The following SH3GL1 variants were observed in gnomAD, a reference collection of about 807,000 sequenced individuals.
SH3GL1 encodes the protein SH3 domain containing GRB2 like 1, endophilin A2.
SH3GL1 carries 21 observed loss-of-function variants against 48.8 expected under a neutral mutation model. That is an observed-to-expected ratio of 0.43 (90% CI 0.30 to 0.62). The LOEUF (loss-of-function observed/expected upper bound fraction) is 0.62, where lower values mean the gene tolerates loss of function less well. SH3GL1 is among the 20% of genes least tolerant of loss of function. SH3GL1 has a pLI of 0.11. For synonymous variants in SH3GL1, 282 were observed against 217.5 expected (o/e 1.30, Z -2.61); for missense variants, 454 against 503.0 (o/e 0.90, Z 0.93).
chr19:4,364,562 G>C (rs1034240726), intron 4 of SH3GL1: 15 of 320,498 alleles, frequency 4.7e-5, no homozygotes, highest in Admixed American at 4.6e-5. Context: ...TCCTGAGTAA[G>C]GGGGATTACA....
At chr19:4,393,427 A>C (rs1973372089) in intron 1 of SH3GL1, among the ~76,000 whole-genome samples, 1 of 152,038 alleles carries the variant, frequency 6.6e-6, no homozygotes. Flanking sequence ...CAAGACCTGG[A>C]GTGGTGGGGT....
chr19:4,373,793 C>G (rs988423922), intron 1 of SH3GL1, among the ~76,000 whole-genome samples: 1 of 152,248 alleles, frequency 6.6e-6, no homozygotes, highest in Non-Finnish European at 1.5e-5. Flanking sequence ...CCACGGCCCC[C>G]AGGCTGTGGG....
At chr19:4,385,359 C>T (rs1317839405) in intron 1 of SH3GL1, among the ~76,000 whole-genome samples, 1 of 152,184 alleles carries the variant, frequency 6.6e-6, no homozygotes, top group Non-Finnish European at 1.5e-5. Flanking sequence ...AAGGGAGGTG[C>T]CCTGTGCCAC....
chr19:4,400,185 T>C lies in SH3GL1; in HGVS notation c.45+139A>G. ...CTCGTCGCCCCCGTCCGTCCCTTGG[T>C]CTTCCCACCTGGCAGGGGACACGCG... On this transcript the variant is annotated intron_variant, in intron 1 of 9. Coordinates refer to ENST00000269886, the MANE Select transcript of SH3GL1 (RefSeq NM_003025.4). This position sits in a 1 kb window ranked among gnomAD's most constrained non-coding sequence, Gnocchi z 4.1. 1 of 914,814 alleles carries C rather than the reference T, an allele frequency of 1.1e-6. No individual in the cohort carries two copies. Among genetic ancestry groups the C allele is most frequent in the Non-Finnish European group, 1.6e-6 (1 of 634,446 alleles). The allele number at this position is 914,814 out of a possible 1,614,324, so 56.7% of individuals were successfully genotyped here.
In SH3GL1 at chr19:4,366,523, G is replaced by C; in HGVS notation, c.165C>G (p.Ile55Met). The C allele has an allele frequency of 6.2e-7, 1 of 1,611,346 alleles. No individual in the cohort carries two copies. The highest frequency in any genetic ancestry group is 8.5e-7 in the Non-Finnish European group (1 of 1,179,524). ...CACCTGGGTTGGGCTGCAGGTACTC[G>C]ATGGTCCTGGCCAGCACTTCTGTCA... ...KAVTEVLART[I>M]EYLQPNPASR... The change falls in exon 3 of 10, where the codon ATC becomes ATG. Residue 55 changes from isoleucine to methionine, a missense_variant. Around this residue, in one of 2 missense-constraint regions of SH3GL1, gnomAD observed 176 missense variants for 256.2 expected, o/e 0.69. Transcript: ENST00000269886.
At position 4,370,539 on chromosome 19, in the gene SH3GL1, C is replaced by A. The variant is rs541460741; in HGVS notation, c.46-3545G>T. Among the ~76,000 whole-genome samples, 319 of 152,314 alleles carry A rather than the reference C, an allele frequency of 2.1e-3. 1 individual carries two copies. The highest frequency in any genetic ancestry group is 7.5e-3 in the African/African-American group (311 of 41,570). ...GCCCCCTCCCCACTCTCCCACAGGG[C>A]CCCACCTGGACGGGGTCAGAGTACC... On this transcript the variant is annotated intron_variant, in intron 1 of 9. Coordinates refer to ENST00000269886, the MANE Select transcript of SH3GL1 (RefSeq NM_003025.4).
At chr19:4,368,795 G>C (rs1403042807) in intron 1 of SH3GL1, among the ~76,000 whole-genome samples, 2 of 152,178 alleles carry the variant, frequency 1.3e-5, no homozygotes, top group Non-Finnish European at 2.9e-5. Context: ...TCGTTGGCCG[G>C]GCGCGGTGAC....
Position 4,386,281 on chromosome 19 carries a change from G to A in SH3GL1, c.45+14043C>T, listed in dbSNP as rs556050351. 1.5e-4 allele frequency among the ~76,000 whole-genome samples: 23 copies of A among 152,258 alleles called. No homozygotes were observed. The East Asian group carries it at 3.3e-3, about 22-fold the overall frequency. ...GGTGGCAAGGGATTGCGGCGAGGGCGGGCAGAAAGTTCCCAGAGCTTCCTT... is the reference window on the plus strand; with the variant it reads ...GGTGGCAAGGGATTGCGGCGAGGGCAGGCAGAAAGTTCCCAGAGCTTCCTT... On this transcript the variant is annotated intron_variant, in intron 1 of 9. Transcript: ENST00000269886.
At chr19:4,368,124 GGA>G (rs1972821674) in intron 1 of SH3GL1, among the ~76,000 whole-genome samples, 1 of 152,260 alleles carries the variant, frequency 6.6e-6, no homozygotes, top group Non-Finnish European at 1.5e-5. Context: ...GGCCTGGGCA[GGA>G]GAGTGAGGTG....
At chr19:4,399,697 G>T (rs1368205534) in intron 1 of SH3GL1, among the ~76,000 whole-genome samples, 2 of 152,134 alleles carry the variant, frequency 1.3e-5, no homozygotes, top group Non-Finnish European at 2.9e-5. Flanking sequence ...GCTCCAGTGT[G>T]ATCTCCAAGC....
At position 4,400,354 on chromosome 19, in the gene SH3GL1, C is replaced by T; in HGVS notation, c.15G>A (p.Gly5=). 6.3e-7 allele frequency: 1 copy of T among 1,592,302 alleles called. No individual in the cohort carries two copies. Among genetic ancestry groups the T allele is most frequent in the Non-Finnish European group, 8.5e-7 (1 of 1,173,264 alleles). Residue 5 remains glycine, a synonymous_variant, in exon 1 of 10, where the codon GGG becomes GGA. Coordinates refer to ENST00000269886, the MANE Select transcript of SH3GL1 (RefSeq NM_003025.4). The surrounding 1 kb of genome is among the most constrained non-coding windows in gnomAD (Gnocchi z 4.1). ...TCGCCTTGTAGAACTGCTTCTTCAG[C>T]CCCGCCACCGACATGCTGCCGCCCG... MSVA[G]LKKQFYKASQ... is the part of the protein sequence containing the mutation.
rs1223599787 is a variant in SH3GL1, at chr19:4,376,724, C to A, written c.46-9730G>T. ...ATCTTCCCATGCTGGGTCTTAGCCA[C>A]CAGGGCTCTGTCCATCCAAATGTCC... On this transcript the variant is annotated intron_variant, in intron 1 of 9. Coordinates refer to ENST00000269886, the MANE Select transcript of SH3GL1 (RefSeq NM_003025.4). The surrounding 1 kb of genome is among the most constrained non-coding windows in gnomAD (Gnocchi z 4.3). 6.6e-6 allele frequency among the ~76,000 whole-genome samples: 1 copy of A among 152,150 alleles called. No individual in the cohort carries two copies. Among genetic ancestry groups the A allele is most frequent in the East Asian group, 1.9e-4 (1 of 5,186 alleles).
At chr19:4,398,822 G>A (rs1224286900) in intron 1 of SH3GL1, among the ~76,000 whole-genome samples, 2 of 152,148 alleles carry the variant, frequency 1.3e-5, no homozygotes, top group African/African-American at 4.8e-5. Flanking sequence ...CATATCAAAT[G>A]CACTTAGGCT....
At chr19:4,366,315 G>A (rs936012906) in intron 3 of SH3GL1, among the ~76,000 whole-genome samples, 186 bp downstream of exon 3, 2 of 152,168 alleles carry the variant, frequency 1.3e-5, no homozygotes, top group African/African-American at 4.8e-5. Context: ...GCCAACAGAG[G>A]GGCTGAGCTG....
rs1047870641 is a variant in SH3GL1, at chr19:4,360,489, G to C, written c.*1111C>G. The C allele has an allele frequency of 1.2e-4, 29 of 234,224 alleles. No individual in the cohort carries two copies. The highest frequency in any genetic ancestry group is 9.5e-4 in the Admixed American group (17 of 17,862). 14.5% of individuals were successfully genotyped at this position (234,224 alleles called of 1,614,324 possible). ...CGCCCCTCATGTACTTCTGACGAGG[G>C]GGGTGCAGGGCAGGGCAGAGCAGAG... On this transcript the variant is annotated 3_prime_UTR_variant, in exon 10 of 10. Coordinates refer to ENST00000269886, the MANE Select transcript of SH3GL1 (RefSeq NM_003025.4).
chr19:4,364,282 T>TC lies in SH3GL1; in HGVS notation c.332-62dup, dbSNP rs561942351. 1,046 of 1,593,360 alleles carry TC rather than the reference T, an allele frequency of 6.6e-4. 1 individual carries two copies. Among genetic ancestry groups the TC allele is most frequent in the Middle Eastern group, 8.3e-4 (5 of 6,054 alleles). ...GCCTGGGACCACTAGACTGAGACAC[T>TC]CCTCAGCCTTTGTTTTTGAAATAGC... On this transcript the variant is annotated intron_variant, in intron 4 of 9. Coordinates refer to ENST00000269886, the MANE Select transcript of SH3GL1 (RefSeq NM_003025.4).
chr19:4,387,783 C>T (rs1436548536), intron 1 of SH3GL1, among the ~76,000 whole-genome samples: 1 of 152,244 alleles, frequency 6.6e-6, no homozygotes, highest in African/African-American at 2.4e-5. Flanking sequence ...TCGCAGGTTC[C>T]AGCGATTCGC....
intron 1 of SH3GL1, among the ~76,000 whole-genome samples, chr19:4,377,251 G>A (rs1973027244): frequency 2.0e-5 from 3 of 152,260 alleles, no homozygotes; most frequent in African/African-American, 4.8e-5. Context: ...TGAGGTCTGG[G>A]CGGATAGGAC....
chr19:4,369,241 T>C (rs1023677564), intron 1 of SH3GL1, among the ~76,000 whole-genome samples: 4 of 152,162 alleles, frequency 2.6e-5, no homozygotes, highest in African/African-American at 7.2e-5. Context: ...CCTAGGTGTT[T>C]TTGGGGCGTT....
Sources: allele counts gnomAD v4.1 joint callset (sites outside exome capture counted in the v4.1 genomes callset), GRCh38; gene constraint gnomAD v4.1.1; regional missense constraint gnomAD v4.1.1; non-coding constraint Gnocchi (gnomAD v3.1); transcripts MANE v1.5; gene names NCBI Gene and HGNC (gene_info 2026-07-23, HGNC 2026-07-21).